MEI4: variants seen among roughly 807,000 people sequenced by gnomAD.
The protein encoded by MEI4 is meiosis-specific protein MEI4.
In MEI4, 27 loss-of-function variants were observed where a neutral mutation model predicts 31.4. That is an observed-to-expected ratio of 0.86 (90% CI 0.63 to 1.19). The LOEUF is 1.19. Ranked by LOEUF, MEI4 falls within the 50% of genes most tolerant of loss-of-function variation. The pLI is 0.00. For synonymous variants in MEI4, 122 were observed against 145.4 expected, an observed-to-expected ratio of 0.84 and a Z score of 1.16; for missense variants, 329 against 398.9, an observed-to-expected ratio of 0.82 and a Z score of 1.49.
chr6:77,738,802 A>T (rs1434119673), intron 2 of MEI4, among the ~76,000 whole-genome samples: 1 of 152,198 alleles, frequency 6.6e-6, no homozygotes, highest in Non-Finnish European at 1.5e-5. Flanking sequence ...GTGAGATGGT[A>T]GCTCATTGTG....
intron 3 of MEI4, among the ~76,000 whole-genome samples, chr6:77,790,589 A>C (rs143085274): frequency 6.6e-6 from 1 of 152,088 alleles, no homozygotes; most frequent in Non-Finnish European, 1.5e-5. Context: ...AACAAAATAC[A>C]TATTGAAAAC....
intron 4 of MEI4, among the ~76,000 whole-genome samples, chr6:77,887,697 G>GTA (rs1771659167): frequency 6.6e-6 from 1 of 152,202 alleles, no homozygotes; most frequent in Non-Finnish European, 1.5e-5. Context: ...GTGCCCTAAT[G>GTA]TATAGTCCAT....
At chr6:77,829,332 G>A (rs976293290) in intron 4 of MEI4, among the ~76,000 whole-genome samples, 2 of 152,274 alleles carry the variant, frequency 1.3e-5, no homozygotes, top group Non-Finnish European at 2.9e-5. Flanking sequence ...TAGATGAACA[G>A]CTTTAAATCC....
At chr6:77,909,082 A>G (rs539025909) in intron 4 of MEI4, among the ~76,000 whole-genome samples, 1 of 152,272 alleles carries the variant, frequency 6.6e-6, no homozygotes, top group Admixed American at 6.5e-5. Context: ...ACCTATTCCA[A>G]AATTGACCAC....
At chr6:77,899,070 A>G (rs1422758227) in intron 4 of MEI4, among the ~76,000 whole-genome samples, 1 of 152,020 alleles carries the variant, frequency 6.6e-6, no homozygotes, top group Non-Finnish European at 1.5e-5. Context: ...TCAAGCTTAC[A>G]AAGAAGCTAT....
intron 4 of MEI4, among the ~76,000 whole-genome samples, chr6:77,855,728 A>C (rs1170147454): frequency 3.3e-5 from 5 of 152,190 alleles, no homozygotes; most frequent in African/African-American, 4.8e-5. Flanking sequence ...TCTGGAAATG[A>C]AAATTGAAAG....
At chr6:77,837,186 C>T (rs1582199260) in intron 4 of MEI4, among the ~76,000 whole-genome samples, 1 of 152,188 alleles carries the variant, frequency 6.6e-6, no homozygotes, top group Non-Finnish European at 1.5e-5. Flanking sequence ...TAGGCTAGAA[C>T]ATTTTAAGAG....
intron 3 of MEI4, among the ~76,000 whole-genome samples, chr6:77,763,379 G>A (rs1472663562): frequency 6.6e-6 from 1 of 152,112 alleles, no homozygotes; most frequent in Non-Finnish European, 1.5e-5. Flanking sequence ...CAGGACTTGT[G>A]CAGAAATTGT....
At chr6:77,774,734 G>A (rs1261875138) in intron 3 of MEI4, among the ~76,000 whole-genome samples, 1 of 151,906 alleles carries the variant, frequency 6.6e-6, no homozygotes, top group Non-Finnish European at 1.5e-5. Context: ...AAAGAGAAGG[G>A]TAGAGAGCTG....
intron 4 of MEI4, among the ~76,000 whole-genome samples, chr6:77,853,497 C>T (rs371230008): frequency 1.3e-5 from 2 of 152,136 alleles, no homozygotes; most frequent in African/African-American, 4.8e-5. Flanking sequence ...ATCTTTAACT[C>T]TCAGTTCTTT....
chr6:77,857,360 A>G (rs769896117), intron 4 of MEI4, among the ~76,000 whole-genome samples: 7 of 152,290 alleles, frequency 4.6e-5, no homozygotes, highest in Non-Finnish European at 7.4e-5. Context: ...GGGAAAGAGC[A>G]TTGTTCAAAG....
intron 2 of MEI4, among the ~76,000 whole-genome samples, chr6:77,709,399 T>C (rs1766406384): frequency 6.6e-6 from 1 of 152,228 alleles, no homozygotes; most frequent in Admixed American, 6.5e-5. Context: ...CTGGGCTTGA[T>C]ATTTAAAATG....
chr6:77,757,378 A>T (rs895841940), intron 2 of MEI4, among the ~76,000 whole-genome samples: 1 of 152,204 alleles, frequency 6.6e-6, no homozygotes, highest in African/African-American at 2.4e-5. Context: ...CCATATTAGC[A>T]TTTCTAACAT....
chr6:77,693,394 G>T (rs935278164), intron 2 of MEI4, among the ~76,000 whole-genome samples: 1 of 151,856 alleles, frequency 6.6e-6, no homozygotes. Context: ...ACTATCCAAG[G>T]GTCTATTCAT....
At position 77,923,071 on chromosome 6, in the gene MEI4, TTTG is replaced by T; in HGVS notation, c.901-12_901-10del. 1 of 1,227,474 alleles carries T rather than the reference TTTG, an allele frequency of 8.1e-7. No homozygotes were observed. The highest frequency in any genetic ancestry group is 1.0e-6 in the Non-Finnish European group (1 of 984,278). 76.0% of individuals were successfully genotyped at this position (1,227,474 alleles called of 1,614,324 possible). On this transcript the variant is annotated splice_polypyrimidine_tract_variant and intron_variant, in intron 4 of 4. Transcript: ENST00000684080. ...ATTTATACCCAATTTTTTAAAGGAGTTTGTTGTTTATTTGTAGGAGCAAGCCAG... is the reference window on the plus strand; with the variant it reads ...ATTTATACCCAATTTTTTAAAGGAGTTTGTTTATTTGTAGGAGCAAGCCAG...
At chr6:77,905,024 T>C (rs1322685917) in intron 4 of MEI4, among the ~76,000 whole-genome samples, 1 of 152,200 alleles carries the variant, frequency 6.6e-6, no homozygotes, top group Non-Finnish European at 1.5e-5. Context: ...AGGTTACTAA[T>C]AGCATCATTT....
At chr6:77,881,606 T>G (rs185135675) in intron 4 of MEI4, among the ~76,000 whole-genome samples, 1 of 152,314 alleles carries the variant, frequency 6.6e-6, no homozygotes, top group Admixed American at 6.5e-5. Context: ...GGGGTAGATC[T>G]ATTTGAATGT....
At chr6:77,751,895 G>C (rs191170655) in intron 2 of MEI4, among the ~76,000 whole-genome samples, 1 of 152,126 alleles carries the variant, frequency 6.6e-6, no homozygotes, top group African/African-American at 2.4e-5. Flanking sequence ...GAATCCAGCA[G>C]CACATCATCA....
intron 4 of MEI4, among the ~76,000 whole-genome samples, chr6:77,845,196 C>G (rs1045134091): frequency 2.6e-5 from 4 of 152,138 alleles, no homozygotes; most frequent in Non-Finnish European, 4.4e-5. Context: ...AGGTAAAACC[C>G]AAGATGCTGG....
Sources: allele counts gnomAD v4.1 joint callset (sites outside exome capture counted in the v4.1 genomes callset), GRCh38; gene constraint gnomAD v4.1.1; transcripts MANE v1.5; gene names NCBI Gene and HGNC (gene_info 2026-07-23, HGNC 2026-07-21).